ZNF573: variants seen among roughly 807,000 people sequenced by gnomAD.
ZNF573 encodes zinc finger protein 573.
In ZNF573, 41 loss-of-function variants were observed where a neutral mutation model predicts 57.4. The observed-to-expected ratio is 0.71, with a 90% CI of 0.56 to 0.93. The LOEUF is 0.93. Among genes scored for constraint, ZNF573 ranks in the 40% least tolerant of loss-of-function variants. The pLI, the probability that ZNF573 is intolerant of heterozygous loss-of-function variation, is 0.00. For missense variants in ZNF573, 730 were observed against 794.8 expected (o/e 0.92, Z 0.98); for synonymous variants, 249 against 261.0 (o/e 0.95, Z 0.44).
At chr19:37,754,582 C>A (rs1599692611) in intron 4 of ZNF573, among the ~76,000 whole-genome samples, 1 of 139,076 alleles carries the variant, frequency 7.2e-6, no homozygotes, top group Non-Finnish European at 1.6e-5. Flanking sequence ...AATTGTCATA[C>A]AATAAATGTA....
At chr19:37,755,203 C>G (rs1344027956) in intron 4 of ZNF573, 1 of 152,168 alleles carries the variant, frequency 6.6e-6, no homozygotes, top group East Asian at 1.9e-4. Flanking sequence ...CTCCTTACCT[C>G]GTGATCCGCC....
intron 4 of ZNF573, chr19:37,758,652 A>T (rs2045521753): frequency 1.3e-5 from 2 of 151,388 alleles, no homozygotes; most frequent in Admixed American, 1.3e-4. Context: ...CTAAAACCTG[A>T]TAAGTAAGTT....
At chr19:37,752,850 G>T (rs1043436998) in intron 4 of ZNF573, among the ~76,000 whole-genome samples, 1 of 152,092 alleles carries the variant, frequency 6.6e-6, no homozygotes, top group Non-Finnish European at 1.5e-5. Flanking sequence ...GCCCAAGCTG[G>T]TCTCAAACCC....
chr19:37,759,799 T>TA (rs1448433246), intron 4 of ZNF573, among the ~76,000 whole-genome samples: 2 of 151,962 alleles, frequency 1.3e-5, no homozygotes, highest in African/African-American at 4.8e-5. Context: ...GTGTAGAACT[T>TA]ACGTTGTTGG....
chr19:37,738,479 A>G lies in ZNF573; in HGVS notation c.*13T>C. The G allele has an allele frequency of 6.6e-7, 1 of 1,513,164 alleles. No individual in the cohort carries two copies. Among genetic ancestry groups the G allele is most frequent in the Non-Finnish European group, 8.8e-7 (1 of 1,133,228 alleles). 93.7% of individuals were successfully genotyped at this position (1,513,164 alleles called of 1,614,324 possible). On this transcript the variant is annotated 3_prime_UTR_variant, in exon 5 of 5. Coordinates refer to ENST00000536220, the MANE Select transcript of ZNF573 (RefSeq NM_001172690.2). ...GTCTGATGATGAATGGCGCGCTCGT[A>G]CTCTTTACGGTCTTACACTTTTATG...
rs1278556602 is a variant in ZNF573 at position 37,739,285 on chromosome 19, A to C, written c.1205T>G (p.Phe402Cys). Residue 402 changes from phenylalanine to cysteine, a missense_variant, in exon 5 of 5, where the codon TTT becomes TGT. Transcript: ENST00000536220. ...GKTYTTGSKL[F>C]QHQKTHTGEK... ...GCCAGTATGAGTTTTCTGATGTTGA[A>C]AGAGTTTTGAACCAGTAGTATAGGT... The C allele has an allele frequency of 6.2e-7, 1 of 1,613,834 alleles. No homozygotes were observed. Among genetic ancestry groups the C allele is most frequent in the African/African-American group, 1.3e-5 (1 of 74,870 alleles).
intron 4 of ZNF573, among the ~76,000 whole-genome samples, chr19:37,756,669 T>C (rs764015830): frequency 2.6e-5 from 4 of 152,162 alleles, no homozygotes; most frequent in Non-Finnish European, 5.9e-5. Flanking sequence ...GTTCTTTTGT[T>C]TTAATTTGGC....
chr19:37,766,113 A>G (rs2045599911), intron 4 of ZNF573, among the ~76,000 whole-genome samples: 1 of 152,230 alleles, frequency 6.6e-6, no homozygotes, highest in Non-Finnish European at 1.5e-5. Context: ...GTAGTTACCA[A>G]ATAGTAGGTG....
chr19:37,748,461 G>T (rs574257118), intron 4 of ZNF573, among the ~76,000 whole-genome samples: 1 of 150,000 alleles, frequency 6.7e-6, no homozygotes, highest in South Asian at 2.1e-4. Context: ...AAACAAAAAC[G>T]ATCATTACGC....
intron 4 of ZNF573, among the ~76,000 whole-genome samples, chr19:37,756,359 G>A (rs751721995): frequency 7.2e-5 from 11 of 152,092 alleles, no homozygotes; most frequent in African/African-American, 1.7e-4. Flanking sequence ...TTGTACATAC[G>A]GTTTCAGAAA....
chr19:37,754,519 C>CAAAAAAAAAAAAAAAAAAAAAAAAAA (rs11316334), intron 4 of ZNF573, among the ~76,000 whole-genome samples: 1 of 85,570 alleles, frequency 1.2e-5, no homozygotes, highest in African/African-American at 4.2e-5. Flanking sequence ...GACTCCACCT[C>CAAAAAAAAAAAAAAAAAAAAAAAAAA]AAAAAAAAAA....
chr19:37,743,360 A>G (rs1018618374), intron 4 of ZNF573, among the ~76,000 whole-genome samples: 3 of 151,236 alleles, frequency 2.0e-5, no homozygotes, highest in African/African-American at 7.3e-5. Flanking sequence ...GACATTTATG[A>G]GGCCAACAAA....
At chr19:37,754,415 G>C (rs1280996546) in intron 4 of ZNF573, among the ~76,000 whole-genome samples, 1 of 151,404 alleles carries the variant, frequency 6.6e-6, no homozygotes, top group African/African-American at 2.4e-5. Flanking sequence ...AGCTACTACG[G>C]AGGCTGAGGC....
chr19:37,770,171 AT>A, intron 3 of ZNF573, 74 bp from the exon 4 acceptor site: 1 of 1,188,186 alleles, frequency 8.4e-7, no homozygotes, highest in Non-Finnish European at 1.2e-6. Flanking sequence ...CTTTGATTAA[AT>A]TTACAATGAA....
intron 4 of ZNF573, among the ~76,000 whole-genome samples, chr19:37,757,497 C>A (rs2045500742): frequency 6.6e-6 from 1 of 151,944 alleles, no homozygotes; most frequent in Non-Finnish European, 1.5e-5. Context: ...GCGCCCGGCC[C>A]ACACTAAAAT....
chr19:37,770,304 C>G, intron 3 of ZNF573: 1 of 432,198 alleles, frequency 2.3e-6, no homozygotes, highest in Non-Finnish European at 4.0e-6. Context: ...AACCTGTGAC[C>G]TTATAAAATG....
rs2045611883 is a variant in ZNF573 at position 37,767,383 on chromosome 19, C to CA, written c.295+2621dup. ...AGCTGGGACTACAGGCGCCCGCCAC[C>CA]ACGCCCACCTAATTTTTTGTATTTT... On this transcript the variant is annotated intron_variant, in intron 4 of 4. Transcript: ENST00000536220. Among the ~76,000 whole-genome samples the CA allele has an allele frequency of 2.0e-5, 3 of 152,284 alleles. No homozygotes were observed. In the South Asian group the frequency reaches 6.2e-4, roughly 32 times the overall value.
chr19:37,746,831 G>A (rs935725258), intron 4 of ZNF573, among the ~76,000 whole-genome samples: 19 of 152,140 alleles, frequency 1.2e-4, no homozygotes, highest in Admixed American at 7.2e-4. Context: ...TGATCTGCCC[G>A]CCTTGGCCTC....
At chr19:37,763,901 T>C (rs192970193) in intron 4 of ZNF573, among the ~76,000 whole-genome samples, 7 of 151,786 alleles carry the variant, frequency 4.6e-5, no homozygotes, top group Admixed American at 3.3e-4. Context: ...CCATCTCTAC[T>C]AAAAATACAA....
Sources: allele counts gnomAD v4.1 joint callset (sites outside exome capture counted in the v4.1 genomes callset), GRCh38; gene constraint gnomAD v4.1.1; transcripts MANE v1.5; gene names NCBI Gene and HGNC (gene_info 2026-07-23, HGNC 2026-07-21).